PLAAT2: variants seen among roughly 807,000 people sequenced by gnomAD.
PLAAT2 encodes phospholipase A and acyltransferase 2, also known as HRAS like suppressor 2.
In PLAAT2, 12 loss-of-function variants were observed where a neutral mutation model predicts 12.8. The ratio of observed to expected loss-of-function variants is 0.94; its 90% CI spans 0.60 to 1.52. The LOEUF (loss-of-function observed/expected upper bound fraction) is 1.52, where lower values mean the gene tolerates loss of function less well. Ranked by LOEUF, PLAAT2 falls within the 40% of genes most tolerant of loss-of-function variation. The pLI is 0.00. For missense variants in PLAAT2, 166 were observed against 208.1 expected (o/e 0.80, Z 1.24); for synonymous variants, 79 against 86.8 (o/e 0.91, Z 0.50).
chr11:63,560,016 C>A, intron 2 of PLAAT2, 69 bp downstream of exon 2: 1 of 1,061,420 alleles, frequency 9.4e-7, no homozygotes, highest in African/African-American at 1.6e-5. Context: ...TGAGGACAAG[C>A]ACGTAACTGT....
At chr11:63,558,710 C>A (rs755685841) in intron 2 of PLAAT2, 50 bp from the exon 3 acceptor site, 3 of 1,597,926 alleles carry the variant, frequency 1.9e-6, no homozygotes, top group Non-Finnish European at 2.6e-6. Flanking sequence ...GGGCTCAGAG[C>A]TGGAAGCCAA....
At position 63,553,003 on chromosome 11, in the gene PLAAT2, C is replaced by G; in HGVS notation, c.450G>C (p.Val150=). ...AAGLLAAASL[V]GILLARSKRE... ...GCTTGCTTCTGGCCAGCAGGATCCC[C>G]ACAAGGCTTGCGGCAGCCAGCAGGC... The change falls in exon 4 of 4, where the codon GTG becomes GTC. Residue 150 remains valine (V), a synonymous_variant. Coordinates refer to ENST00000255695, the MANE Select transcript of PLAAT2 (RefSeq NM_017878.2). The G allele has an allele frequency of 6.2e-7, 1 of 1,614,090 alleles. No individual in the cohort carries two copies. Among genetic ancestry groups the G allele is most frequent in the Non-Finnish European group, 8.5e-7 (1 of 1,179,962 alleles).
rs1479592062 is a variant in PLAAT2, at chr11:63,553,061, G to C, written c.392C>G (p.Thr131Ser). The change falls in exon 4 of 4, where the codon ACT becomes AGT. Residue 131 changes from threonine to serine, a missense_variant. Transcript: ENST00000255695. ...CACACCTACTGTCGTGACTGCACCA[G>C]TGACCTGCAGCAGAAGAGAAGGGAG... ...RYGVSRSDQV[T>S]GAVTTVGVAA... 1 of 1,609,988 alleles carries C rather than the reference G, an allele frequency of 6.2e-7. No individual in the cohort carries two copies. The highest frequency in any genetic ancestry group is 8.5e-7 in the Non-Finnish European group (1 of 1,177,012).
chr11:63,553,687 A>G (rs924097282), intron 3 of PLAAT2, among the ~76,000 whole-genome samples: 1 of 152,184 alleles, frequency 6.6e-6, no homozygotes, highest in Non-Finnish European at 1.5e-5. Context: ...AAAGCATAGT[A>G]AACCCCCAGC....
intron 3 of PLAAT2, among the ~76,000 whole-genome samples, chr11:63,555,238 G>A (rs1035542335): frequency 6.6e-6 from 1 of 152,172 alleles, no homozygotes; most frequent in Non-Finnish European, 1.5e-5. Context: ...GCACTTCAGA[G>A]TTGTAAGGGA....
chr11:63,558,857 C>T (rs1275540046), intron 2 of PLAAT2, among the ~76,000 whole-genome samples, 197 bp from the exon 3 acceptor site: 1 of 152,208 alleles, frequency 6.6e-6, no homozygotes, highest in Non-Finnish European at 1.5e-5. Context: ...TTCTGGTTTC[C>T]TCATTTCTAA....
chr11:63,554,504 T>A (rs1371370033), intron 3 of PLAAT2, among the ~76,000 whole-genome samples: 1 of 151,812 alleles, frequency 6.6e-6, no homozygotes, highest in African/African-American at 2.4e-5. Context: ...GGCGGGTGCC[T>A]ATAATCCCAG....
chr11:63,563,979 C>A, upstream of PLAAT2, among the ~76,000 whole-genome samples: 1 of 152,038 alleles, frequency 6.6e-6, no homozygotes, highest in East Asian at 1.9e-4. Flanking sequence ...GAGACAGAGA[C>A]CATGGGGGAA....
chr11:63,552,936 T>C lies in PLAAT2; in HGVS notation c.*28A>G, dbSNP rs1350328089. 4.9e-6 allele frequency: 7 copies of C among 1,434,122 alleles called. No individual in the cohort carries two copies. Among genetic ancestry groups the C allele is most frequent in the Non-Finnish European group, 3.9e-6 (4 of 1,016,260 alleles). The allele number at this position is 1,434,122 out of a possible 1,614,324, so 88.8% of individuals were successfully genotyped here. A position where few individuals can be genotyped will look rare whatever the true frequency, so the allele number is the denominator to read the frequency against. ...CTAAATAATATTCCTCCGTAAGAAT[T>C]GGTGGTTGTTGGGACAATTTCTTGG... is the stretch of plus-strand genomic sequence containing the variant. On this transcript the variant is annotated 3_prime_UTR_variant, in exon 4 of 4. Coordinates refer to ENST00000255695, the MANE Select transcript of PLAAT2 (RefSeq NM_017878.2).
intron 2 of PLAAT2, among the ~76,000 whole-genome samples, 192 bp downstream of exon 2, chr11:63,559,893 A>G (rs919847894): frequency 3.3e-5 from 5 of 152,198 alleles, no homozygotes; most frequent in African/African-American, 1.2e-4. Context: ...AAAGGTCAAT[A>G]GTCTCTCCAC....
chr11:63,554,626 T>C (rs1180052365), intron 3 of PLAAT2, among the ~76,000 whole-genome samples: 1 of 127,072 alleles, frequency 7.9e-6, no homozygotes, highest in East Asian at 2.3e-4. Context: ...AGACTATGTC[T>C]CAAAAAAAAA....
intron 2 of PLAAT2, 68 bp from the exon 3 acceptor site, chr11:63,558,728 C>T (rs1215718737): frequency 1.3e-6 from 2 of 1,566,714 alleles, no homozygotes; most frequent in East Asian, 2.2e-5. Flanking sequence ...CAAGCAGCCT[C>T]ATCGCCCCGA....
intron 1 of PLAAT2, among the ~76,000 whole-genome samples, chr11:63,561,804 G>A (rs1400887667): frequency 2.0e-5 from 3 of 151,228 alleles, no homozygotes; most frequent in Admixed American, 2.0e-4. Flanking sequence ...TTAAAAAAAA[G>A]TAAAGCCTTT....
chr11:63,557,497 T>C (rs2017476359), intron 3 of PLAAT2, among the ~76,000 whole-genome samples: 1 of 151,648 alleles, frequency 6.6e-6, no homozygotes. Flanking sequence ...CCACATGATA[T>C]ACTGCAGTCT....
In PLAAT2 at chr11:63,558,442, A is replaced by G. The variant is rs781640640; in HGVS notation, c.337T>C (p.Cys113Arg). 1 of 1,614,208 alleles carries G rather than the reference A, an allele frequency of 6.2e-7. No homozygotes were observed. Among genetic ancestry groups the G allele is most frequent in the South Asian group, 1.1e-5 (1 of 91,088 alleles). The change falls in exon 3 of 4, where the codon TGC (cysteine) becomes CGC (arginine). Residue 113 changes from cysteine (C) to arginine (R), a missense_variant. Coordinates refer to ENST00000255695, the MANE Select transcript of PLAAT2 (RefSeq NM_017878.2). ...ELPYSLTSDN[C>R]EHFVNHLRYG... Reference sequence around the variant, plus strand: ...CGCAGATGGTTCACGAAGTGCTCGCAGTTGTCACTGGTCAGCGAATAAGGC... The same window carrying G: ...CGCAGATGGTTCACGAAGTGCTCGCGGTTGTCACTGGTCAGCGAATAAGGC...
intron 3 of PLAAT2, 49 bp from the exon 4 acceptor site, chr11:63,553,114 C>T (rs1025588170): frequency 4.3e-6 from 5 of 1,151,184 alleles, no homozygotes; most frequent in South Asian, 2.5e-5. Context: ...GGCGGGACCA[C>T]GATACATACA....
chr11:63,553,414 C>A (rs1395001672), intron 3 of PLAAT2, among the ~76,000 whole-genome samples: 1 of 151,742 alleles, frequency 6.6e-6, no homozygotes, highest in Non-Finnish European at 1.5e-5. Flanking sequence ...CTGAGATGGG[C>A]CGATTGCTTG....
intron 3 of PLAAT2, among the ~76,000 whole-genome samples, chr11:63,554,641 A>G (rs924562832): frequency 5.3e-5 from 8 of 151,116 alleles, no homozygotes; most frequent in Admixed American, 2.0e-4. Flanking sequence ...AAAAAAAGAA[A>G]AAAAAAAAAA....
intron 3 of PLAAT2, 73 bp from the exon 4 acceptor site, chr11:63,553,138 G>A: frequency 2.2e-6 from 2 of 895,954 alleles, no homozygotes; most frequent in Non-Finnish European, 3.6e-6. Flanking sequence ...GGAAACTACA[G>A]CTCAGGAAAG....
Sources: gnomAD v4.1 joint callset for allele counts (sites outside exome capture counted in the v4.1 genomes callset) on GRCh38, gnomAD v4.1.1 for gene constraint, MANE v1.5 for transcripts, NCBI Gene and HGNC (gene_info 2026-07-23, HGNC 2026-07-21) for gene names.